ZER1: variants seen among roughly 807,000 people sequenced by gnomAD.
ZER1 encodes the protein protein zer-1 homolog.
ZER1 carries 11 observed loss-of-function variants against 78.8 expected under a neutral mutation model. That is an observed-to-expected ratio of 0.14 (90% confidence interval 0.09 to 0.23). The LOEUF (loss-of-function observed/expected upper bound fraction) is 0.23. Among genes scored for constraint, ZER1 ranks in the 10% least tolerant of loss-of-function variants. The pLI is 1.00. For synonymous variants in ZER1, 400 were observed against 407.0 expected (o/e 0.98, Z 0.21); for missense variants, 588 against 996.9 (o/e 0.59, Z 5.52).
chr9:128,753,553 C>T lies in ZER1; in HGVS notation c.357G>A (p.Lys119=). Residue 119 remains lysine, a synonymous_variant, in exon 4 of 16, where the codon AAG becomes AAA. Transcript: ENST00000291900. This position sits in a 1 kb window ranked among gnomAD's most constrained non-coding sequence, Gnocchi z 7.5. ...YLTNCEKLSA[K]SLQTLRSFSH... is the part of the protein sequence containing the mutation. Reference sequence around the variant, plus strand: ...TGAAGCTCCTCAGTGTCTGCAGGCTCTTGGCGGACAGCTTCTCGCAGTTAG... The same window carrying T: ...TGAAGCTCCTCAGTGTCTGCAGGCTTTTGGCGGACAGCTTCTCGCAGTTAG... The T allele has an allele frequency of 6.2e-7, 1 of 1,614,036 alleles. No homozygotes were observed. Among genetic ancestry groups the T allele is most frequent in the South Asian group, 1.1e-5 (1 of 91,088 alleles).
intron 14 of ZER1, among the ~76,000 whole-genome samples, chr9:128,733,858 G>A (rs113458518): frequency 0.013 from 1,889 of 142,536 alleles, 48 homozygotes; most frequent in African/African-American, 0.045. Context: ...GGCCGGGCAC[G>A]GTGGCTCACG....
intron 8 of ZER1, among the ~76,000 whole-genome samples, chr9:128,747,475 A>G (rs1863531060): frequency 6.6e-6 from 1 of 152,212 alleles, no homozygotes; most frequent in Admixed American, 6.5e-5. Context: ...TGCTGGTGTC[A>G]GCAGTCATGA....
At position 128,740,654 on chromosome 9, in the gene ZER1, A is replaced by G; in HGVS notation, c.1853+118T>C. 1.6e-6 allele frequency: 1 copy of G among 622,448 alleles called. No homozygotes were observed. The highest frequency in any genetic ancestry group is 2.9e-6 in the Non-Finnish European group (1 of 341,710). 38.6% of individuals were successfully genotyped at this position (622,448 alleles called of 1,614,324 possible). The stretch of plus-strand genomic sequence containing the variant: ...GAATGAATAAGAAACCACATTATCG[A>G]GGGAAAATGACATTTATAGCAAACC... On this transcript the variant is annotated intron_variant, in intron 12 of 15. Transcript: ENST00000291900. The surrounding 1 kb of genome is among the most constrained non-coding windows in gnomAD (Gnocchi z 4.4).
At position 128,739,977 on chromosome 9, in the gene ZER1, C is replaced by T. The variant is rs1417578403; in HGVS notation, c.1996G>A (p.Ala666Thr). 1 of 1,613,446 alleles carries T rather than the reference C, an allele frequency of 6.2e-7. No homozygotes were observed. Among genetic ancestry groups the T allele is most frequent in the East Asian group, 2.2e-5 (1 of 44,850 alleles). Reference protein sequence around the residue: ...REEVEERMWAAIQSWDINSRR... With the variant: ...REEVEERMWATIQSWDINSRR... ...GAGTTTATGTCCCAGCTCTGGATGG[C>T]AGCCCACATGCGTTCCTCCACCTCC... The change falls in exon 13 of 16, where the codon GCC (alanine) becomes ACC (threonine). Residue 666 changes from alanine (A) to threonine (T), a missense_variant. Coordinates refer to ENST00000291900, the MANE Select transcript of ZER1 (RefSeq NM_006336.4).
rs1200443232 is a variant in ZER1, at chr9:128,755,736, G to A, written c.-94-77C>T. On this transcript the variant is annotated intron_variant, in intron 1 of 15. Coordinates refer to ENST00000291900, the MANE Select transcript of ZER1 (RefSeq NM_006336.4). The surrounding 1 kb of genome is among the most constrained non-coding windows in gnomAD (Gnocchi z 5.6). ...CAGTGGTCCCATGTCCACGCTCTGA[G>A]TAGGGAAACTGAGACCACACTCCAA... The A allele has an allele frequency of 1.2e-6, 1 of 844,552 alleles. No individual in the cohort carries two copies. The highest frequency in any genetic ancestry group is 2.7e-5 in the East Asian group (1 of 36,816). The allele number at this position is 844,552 out of a possible 1,614,324, so 52.3% of individuals were successfully genotyped here.
rs1364690541 is a variant in ZER1 at position 128,751,979 on chromosome 9, T to C, written c.924-452A>G. Among the ~76,000 whole-genome samples, 1 of 152,104 alleles carries C rather than the reference T, an allele frequency of 6.6e-6. No individual in the cohort carries two copies. The highest frequency in any genetic ancestry group is 6.6e-5 in the Admixed American group (1 of 15,256). On this transcript the variant is annotated intron_variant, in intron 5 of 15. Coordinates refer to ENST00000291900, the MANE Select transcript of ZER1 (RefSeq NM_006336.4). This position sits in a 1 kb window ranked among gnomAD's most constrained non-coding sequence, Gnocchi z 5.4. ...GGCAGACACTGCCAGCCTTGCCTCT[T>C]CCCCCCATGGCACTGTGCTCTGGTC...
rs779766894 is a variant in ZER1 at position 128,735,326 on chromosome 9, G to A, written c.2140+8C>T. 1 of 1,610,422 alleles carries A rather than the reference G, an allele frequency of 6.2e-7. No individual in the cohort carries two copies. The highest frequency in any genetic ancestry group is 8.5e-7 in the Non-Finnish European group (1 of 1,178,368). On this transcript the variant is annotated splice_region_variant and intron_variant, in intron 14 of 15. Transcript: ENST00000291900. ...GAGTGTCTGAACCCAGGACAAGTTG[G>A]CACTCACGGTAGACAGACACGAGGT...
chr9:128,738,339 C>T lies in ZER1; in HGVS notation c.2042+1592G>A, dbSNP rs530947839. ...GATTACAGGTGTGAGCCACTGTGCCCGGCCCTGTTTTGTTTTCTTGTTTTT... is the reference window on the plus strand; with the variant it reads ...GATTACAGGTGTGAGCCACTGTGCCTGGCCCTGTTTTGTTTTCTTGTTTTT... On this transcript the variant is annotated intron_variant, in intron 13 of 15. Coordinates refer to ENST00000291900, the MANE Select transcript of ZER1 (RefSeq NM_006336.4). 1.8e-3 allele frequency among the ~76,000 whole-genome samples: 247 copies of T among 136,620 alleles called. 1 individual carries two copies. Among genetic ancestry groups the T allele is most frequent in the African/African-American group, 6.2e-3 (230 of 36,888 alleles). The allele number at this position is 136,620 out of a possible 152,430, so 89.6% of individuals were successfully genotyped here. A position where few individuals can be genotyped will look rare whatever the true frequency, so the allele number is the denominator to read the frequency against.
At chr9:128,731,437 T>TGGGGGGGGGGTTGGGGG in intron 15 of ZER1, 43 bp from the exon 16 acceptor site, 1 of 451,606 alleles carries the variant, frequency 2.2e-6, no homozygotes, top group Non-Finnish European at 4.3e-6. Context: ...TGGGCTTGGG[T>TGGGGGGGGGGTTGGGGG]GGGGGTGAGC....
intron 15 of ZER1, 47 bp from the exon 16 acceptor site, chr9:128,731,441 G>GGGGGGGGGGGGGGGGGGGC: frequency 1.4e-6 from 1 of 704,912 alleles, no homozygotes; most frequent in East Asian, 3.1e-5. Flanking sequence ...CTTGGGTGGG[G>GGGGGGGGGGGGGGGGGGGC]GTGAGCCCAG....
chr9:128,735,460 G>C, intron 13 of ZER1, 29 bp from the exon 14 acceptor site: 1 of 1,597,534 alleles, frequency 6.3e-7, no homozygotes, highest in South Asian at 1.1e-5. Context: ...AGGTCACTGT[G>C]GATGCTGAGG....
In ZER1 at chr9:128,752,777, G is replaced by A. The variant is rs1863721881; in HGVS notation, c.819C>T (p.Leu273=). The A allele has an allele frequency of 6.2e-7, 1 of 1,614,092 alleles. No homozygotes were observed. The highest frequency in any genetic ancestry group is 8.5e-7 in the Non-Finnish European group (1 of 1,180,056). ...KFKLTREVLS[L]FVQKLGNLMS... ...TTAGGTTCCCCAGCTTCTGCACAAA[G>A]AGGCTCAGCACCTCCCGAGTCAGCT... Residue 273 remains leucine, a synonymous_variant, in exon 5 of 16, where the codon CTC becomes CTT. Coordinates refer to ENST00000291900, the MANE Select transcript of ZER1 (RefSeq NM_006336.4).
intron 1 of ZER1, among the ~76,000 whole-genome samples, chr9:128,763,270 T>C (rs1165101572): frequency 6.6e-6 from 1 of 152,182 alleles, no homozygotes; most frequent in Non-Finnish European, 1.5e-5. Context: ...ATGGTCCCAG[T>C]GTCAAAGTTA....
intron 11 of ZER1, 44 bp downstream of exon 11, chr9:128,741,491 T>TG: frequency 1.2e-6 from 2 of 1,613,632 alleles, no homozygotes; most frequent in Non-Finnish European, 1.7e-6. Flanking sequence ...AGAGGGGCCA[T>TG]GTGGGCAGCT....
Position 128,733,600 on chromosome 9 carries a change from C to T in ZER1, c.2141-72G>A, listed in dbSNP as rs928702541. ...TCAGCCCGAGGCCCAGAAACCCACC[C>T]TGTCTGTGAGGACTATCCTGGTGTC... On this transcript the variant is annotated intron_variant, in intron 14 of 15. Coordinates refer to ENST00000291900, the MANE Select transcript of ZER1 (RefSeq NM_006336.4). The T allele has an allele frequency of 2.2e-6, 3 of 1,386,672 alleles. No individual in the cohort carries two copies. The African/African-American group carries it at 4.3e-5, about 20-fold the overall frequency. 85.9% of individuals were successfully genotyped at this position (1,386,672 alleles called of 1,614,324 possible).
chr9:128,735,772 T>G (rs1211405982), intron 13 of ZER1, among the ~76,000 whole-genome samples: 27 of 127,216 alleles, frequency 2.1e-4, no homozygotes, highest in Non-Finnish European at 3.3e-4. Context: ...TTTTTTTTTT[T>G]TTTTTTTTTT....
intron 1 of ZER1, among the ~76,000 whole-genome samples, chr9:128,762,483 G>A (rs989538934): frequency 6.6e-5 from 10 of 152,126 alleles, no homozygotes; most frequent in African/African-American, 9.7e-5. Flanking sequence ...ACAAACTTGG[G>A]CAAGTGTCTC....
At chr9:128,743,977 C>G (rs1036554399) in intron 8 of ZER1, among the ~76,000 whole-genome samples, 5 of 144,288 alleles carry the variant, frequency 3.5e-5, no homozygotes, top group Non-Finnish European at 6.0e-5. Context: ...CAGCTCACTG[C>G]AACCCCTGCC....
Position 128,740,022 on chromosome 9 carries a change from C to A in ZER1, c.1951G>T (p.Val651Phe), listed in dbSNP as rs201752916. ...IMFDGPEAWGVCEPQREEVEE... is the reference protein window; with the variant it reads ...IMFDGPEAWGFCEPQREEVEE... ...ACCTCCTCACGCTGGGGCTCACAGA[C>A]GCCCCAGGCCTCGGGTCCATCAAAC... Residue 651 changes from valine to phenylalanine, a missense_variant, in exon 13 of 16, where the codon GTC becomes TTC. Around this residue, in one of 3 missense-constraint regions of ZER1, gnomAD observed 122 missense variants for 173.5 expected, o/e 0.70. Transcript: ENST00000291900. This position sits in a 1 kb window ranked among gnomAD's most constrained non-coding sequence, Gnocchi z 4.4. The A allele has an allele frequency of 3.1e-6, 5 of 1,613,978 alleles. No homozygotes were observed. Among genetic ancestry groups the A allele is most frequent in the Admixed American group, 1.7e-5 (1 of 59,990 alleles).
Sources: gnomAD v4.1 joint callset for allele counts (sites outside exome capture counted in the v4.1 genomes callset) on GRCh38, gnomAD v4.1.1 for gene constraint, gnomAD v4.1.1 regional missense constraint, Gnocchi (gnomAD v3.1) non-coding constraint, MANE v1.5 for transcripts, NCBI Gene and HGNC (gene_info 2026-07-23, HGNC 2026-07-21) for gene names.